Variants in PRLR observed in about 807,000 individuals in gnomAD.
The protein encoded by PRLR is hPRL receptor.
PRLR carries 13 observed loss-of-function variants against 40.2 expected under a neutral mutation model. The observed-to-expected ratio is 0.32, with a 90% CI of 0.21 to 0.51. The LOEUF is 0.51. Ranked by LOEUF, PRLR falls within the 20% of genes least tolerant of loss-of-function variation. The pLI is 0.97. For missense variants in PRLR, 656 were observed against 747.3 expected (o/e 0.88, Z 1.42); for synonymous variants, 269 against 278.7 (o/e 0.97, Z 0.35).
At chr5:35,116,734 G>A (rs778136897) in intron 2 of PRLR, among the ~76,000 whole-genome samples, 1 of 152,180 alleles carries the variant, frequency 6.6e-6, no homozygotes, top group Non-Finnish European at 1.5e-5. Flanking sequence ...ATGCTCCTGG[G>A]CAGGGCTATT....
At chr5:35,162,864 C>T (rs1272289580) in intron 1 of PRLR, among the ~76,000 whole-genome samples, 1 of 152,208 alleles carries the variant, frequency 6.6e-6, no homozygotes, top group African/African-American at 2.4e-5. Context: ...AAATCATTGC[C>T]TTGTGAGTGG....
At chr5:35,188,446 A>G (rs1214378354) in intron 1 of PRLR, among the ~76,000 whole-genome samples, 1 of 152,234 alleles carries the variant, frequency 6.6e-6, no homozygotes, top group Non-Finnish European at 1.5e-5. Context: ...GCTTCAGCCC[A>G]CTGAGTGAGC....
intron 1 of PRLR, among the ~76,000 whole-genome samples, chr5:35,216,348 T>A (rs939804105): frequency 1.3e-5 from 2 of 151,674 alleles, no homozygotes; most frequent in African/African-American, 4.8e-5. Context: ...AGGTTCAGTT[T>A]GGAGGAGGAA....
chr5:35,180,027 T>C (rs1775251136), intron 1 of PRLR, among the ~76,000 whole-genome samples: 1 of 152,090 alleles, frequency 6.6e-6, no homozygotes. Flanking sequence ...AACTAGGCGG[T>C]CCCATTTGGG....
intron 1 of PRLR, among the ~76,000 whole-genome samples, chr5:35,177,373 A>G (rs963007791): frequency 2.6e-5 from 4 of 152,104 alleles, no homozygotes; most frequent in African/African-American, 9.7e-5. Context: ...GGTTTTTGGT[A>G]TATTCACAAG....
rs1166435960 is a variant in PRLR at position 35,058,018 on chromosome 5, GACTT to G, written c.*7067_*7070del. 1 of 151,978 alleles carries G rather than the reference GACTT, an allele frequency of 6.6e-6. No homozygotes were observed. Among genetic ancestry groups the G allele is most frequent in the African/African-American group, 2.4e-5 (1 of 41,400 alleles). 9.4% of individuals were successfully genotyped at this position (151,978 alleles called of 1,614,324 possible). On this transcript the variant is annotated 3_prime_UTR_variant, in exon 10 of 10. Transcript: ENST00000618457. Reference sequence around the variant, plus strand: ...TGGTTTTGTTGGTTTTTCATATGATGACTTACTAAGTATTCTTTCTGAATCTTTC... The same window carrying G: ...TGGTTTTGTTGGTTTTTCATATGATGACTAAGTATTCTTTCTGAATCTTTC...
chr5:35,072,866 C>T, intron 5 of PRLR, 122 bp from the exon 6 acceptor site: 1 of 1,139,922 alleles, frequency 8.8e-7, no homozygotes, highest in Non-Finnish European at 1.2e-6. Flanking sequence ...GTACTATAAG[C>T]CCCCCAAATA....
chr5:35,127,891 T>C (rs906343921), intron 1 of PRLR, among the ~76,000 whole-genome samples: 2 of 152,150 alleles, frequency 1.3e-5, no homozygotes, highest in African/African-American at 4.8e-5. Context: ...TGTCATGTAC[T>C]TCTTGGGGTG....
intron 1 of PRLR, among the ~76,000 whole-genome samples, chr5:35,193,269 C>G (rs1375932381): frequency 2.6e-5 from 4 of 152,120 alleles, no homozygotes; most frequent in Non-Finnish European, 4.4e-5. Context: ...TGAAAAATAG[C>G]CTTTGAGCAA....
chr5:35,136,253 A>G (rs773219486), intron 1 of PRLR, among the ~76,000 whole-genome samples: 2 of 152,220 alleles, frequency 1.3e-5, no homozygotes, highest in African/African-American at 2.4e-5. Flanking sequence ...CAAAAAAGCC[A>G]ATTGAATTTC....
intron 1 of PRLR, among the ~76,000 whole-genome samples, chr5:35,229,452 A>G (rs1166276724): frequency 6.6e-6 from 1 of 152,104 alleles, no homozygotes; most frequent in Non-Finnish European, 1.5e-5. Context: ...CTAAAAGGAT[A>G]GTTTTCTACT....
At chr5:35,052,672 CTG>C (rs1168967324), downstream of PRLR, among the ~76,000 whole-genome samples, 1 of 152,136 alleles carries the variant, frequency 6.6e-6, no homozygotes, top group Non-Finnish European at 1.5e-5. Context: ...TAAAAACTGA[CTG>C]TAGATAACCT....
chr5:35,161,756 A>T (rs1774681076), intron 1 of PRLR, among the ~76,000 whole-genome samples: 3 of 152,196 alleles, frequency 2.0e-5, no homozygotes, highest in Non-Finnish European at 4.4e-5. Flanking sequence ...AAATGCCCCG[A>T]CTGTCTTTTT....
intron 5 of PRLR, among the ~76,000 whole-genome samples, chr5:35,074,554 G>T (rs1769953237): frequency 6.9e-6 from 1 of 145,544 alleles, no homozygotes; most frequent in Non-Finnish European, 1.5e-5. Flanking sequence ...CAAACTCCCA[G>T]AAACAGACAG....
chr5:35,070,266 C>G lies in PRLR; in HGVS notation c.544-1G>C. 1 of 1,613,296 alleles carries G rather than the reference C, an allele frequency of 6.2e-7. No individual in the cohort carries two copies. The highest frequency in any genetic ancestry group is 8.5e-7 in the Non-Finnish European group (1 of 1,179,804). On this transcript the variant is annotated splice_acceptor_variant, in intron 6 of 9. Coordinates refer to ENST00000618457, the MANE Select transcript of PRLR (RefSeq NM_000949.7). LOFTEE classifies it high-confidence loss of function. ...CTGTTTGCTGCCCAGCAAAATGGAT[C>G]TAAGGTAGAATAAGGAAAACAGAAG... is the stretch of plus-strand genomic sequence containing the variant.
At chr5:35,110,990 G>GTA (rs1027914873) in intron 2 of PRLR, among the ~76,000 whole-genome samples, 38 of 152,206 alleles carry the variant, frequency 2.5e-4, no homozygotes, top group African/African-American at 9.2e-4. Flanking sequence ...ATCTTTCTCT[G>GTA]TACCCCCACC....
chr5:35,130,982 C>G (rs1482783662), intron 1 of PRLR, among the ~76,000 whole-genome samples: 2 of 152,206 alleles, frequency 1.3e-5, no homozygotes, highest in African/African-American at 4.8e-5. Flanking sequence ...CACCCAGCAT[C>G]TCAGAGGGAG....
intron 1 of PRLR, among the ~76,000 whole-genome samples, chr5:35,146,072 C>T (rs1774173320): frequency 1.3e-5 from 2 of 152,156 alleles, no homozygotes; most frequent in Non-Finnish European, 2.9e-5. Flanking sequence ...TCATCATGAC[C>T]CTCAAATCTA....
chr5:35,172,640 C>T (rs1254079038), intron 1 of PRLR, among the ~76,000 whole-genome samples: 1 of 152,170 alleles, frequency 6.6e-6, no homozygotes, highest in Non-Finnish European at 1.5e-5. Context: ...TTGTCAAGCC[C>T]TTCTCAGTTT....
Sources: gnomAD v4.1 joint callset for allele counts (sites outside exome capture counted in the v4.1 genomes callset) on GRCh38, gnomAD v4.1.1 for gene constraint, MANE v1.5 for transcripts, NCBI Gene and HGNC (gene_info 2026-07-23, HGNC 2026-07-21) for gene names.